Variants in UNC13C observed in about 807,000 individuals in gnomAD.
UNC13C encodes protein unc-13 homolog C.
UNC13C carries 174 observed loss-of-function variants against 245.4 expected under a neutral mutation model. That is an observed-to-expected ratio of 0.71 (90% CI 0.63 to 0.80). UNC13C has a LOEUF of 0.80. UNC13C is among the 30% of genes least tolerant of loss of function. The pLI is 0.00. For synonymous variants in UNC13C, 992 were observed against 895.1 expected (o/e 1.11, Z -1.93); for missense variants, 2,829 against 2,602.9 (o/e 1.09, Z -1.89).
chr15:54,280,990 G>T (rs527385151), intron 10 of UNC13C, among the ~76,000 whole-genome samples: 1 of 151,714 alleles, frequency 6.6e-6, no homozygotes, highest in African/African-American at 2.4e-5. Context: ...TAGAGATGAG[G>T]ATTTGCCATG....
intron 4 of UNC13C, among the ~76,000 whole-genome samples, chr15:54,200,704 GC>G (rs1017650207): frequency 6.6e-6 from 1 of 151,936 alleles, no homozygotes; most frequent in African/African-American, 2.4e-5. Flanking sequence ...ATCATTAAAT[GC>G]CAACATCAAG....
chr15:53,992,096 C>A (rs1894418407), intron 1 of UNC13C, among the ~76,000 whole-genome samples: 1 of 152,010 alleles, frequency 6.6e-6, no homozygotes, highest in Non-Finnish European at 1.5e-5. Context: ...TTAAGAATTA[C>A]TCTCGTTTTG....
At chr15:53,972,729 T>C in the UNC13C span, 13 of 152,176 alleles carry the variant, frequency 8.5e-5, no homozygotes, top group African/African-American at 2.9e-4. Flanking sequence ...CATCAGTGCA[T>C]ATTGAATAAC....
At chr15:54,550,926 A>G (rs1336295746) in intron 28 of UNC13C, among the ~76,000 whole-genome samples, 2 of 152,216 alleles carry the variant, frequency 1.3e-5, no homozygotes, top group African/African-American at 4.8e-5. Flanking sequence ...GGCCCTGGCC[A>G]TGCATCTAAT....
chr15:54,179,945 A>G (rs1426896770), intron 4 of UNC13C, among the ~76,000 whole-genome samples: 1 of 152,132 alleles, frequency 6.6e-6, no homozygotes, highest in African/African-American at 2.4e-5. Context: ...TAATTTTCCA[A>G]TAGTAACTGT....
intron 30 of UNC13C, among the ~76,000 whole-genome samples, chr15:54,578,830 C>T (rs1479423687): frequency 6.6e-6 from 1 of 152,204 alleles, no homozygotes; most frequent in Non-Finnish European, 1.5e-5. Context: ...CGTGGTGAAA[C>T]TCCGTCTCTA....
chr15:54,052,656 A>C (rs981594213), intron 2 of UNC13C, among the ~76,000 whole-genome samples: 14 of 152,242 alleles, frequency 9.2e-5, no homozygotes, highest in Admixed American at 3.3e-4. Context: ...TCCAGTTGTT[A>C]AAACCTATCT....
chr15:53,995,512 G>A (rs1894589160), intron 1 of UNC13C, among the ~76,000 whole-genome samples: 1 of 112,056 alleles, frequency 8.9e-6, no homozygotes, highest in South Asian at 3.1e-4. Flanking sequence ...ACTTTTACAA[G>A]GTTTATACTT....
intron 4 of UNC13C, among the ~76,000 whole-genome samples, chr15:54,220,179 A>G (rs1228050019): frequency 6.6e-6 from 1 of 151,384 alleles, no homozygotes; most frequent in African/African-American, 2.4e-5. Context: ...CACAATAGCA[A>G]AGACTTGGAA....
intron 10 of UNC13C, among the ~76,000 whole-genome samples, chr15:54,291,685 T>G (rs1238241495): frequency 2.0e-5 from 3 of 151,988 alleles, no homozygotes; most frequent in African/African-American, 7.2e-5. Context: ...CCCCATGTTA[T>G]TTATAGATAA....
At chr15:53,935,650 C>T in the UNC13C span, among the ~76,000 whole-genome samples, 3 of 152,128 alleles carry the variant, frequency 2.0e-5, no homozygotes, top group African/African-American at 4.8e-5. Flanking sequence ...ACTAGGTGGG[C>T]GACTCAACCC....
the UNC13C span, among the ~76,000 whole-genome samples, chr15:53,931,619 C>G: frequency 4.6e-5 from 7 of 152,036 alleles, no homozygotes; most frequent in South Asian, 1.5e-3. Flanking sequence ...TTACAGGGCT[C>G]TTGCGTTCTG....
At chr15:54,095,952 C>T (rs747142262) in intron 2 of UNC13C, among the ~76,000 whole-genome samples, 15 of 152,146 alleles carry the variant, frequency 9.9e-5, no homozygotes, top group Middle Eastern at 3.4e-3. Context: ...GTGTCCATGT[C>T]GAATTGAGGA....
chr15:54,391,003 T>C (rs1354236538), intron 17 of UNC13C, among the ~76,000 whole-genome samples: 5 of 152,130 alleles, frequency 3.3e-5, no homozygotes, highest in Non-Finnish European at 5.9e-5. Flanking sequence ...GCATCATCAG[T>C]AATCTTCTGG....
intron 30 of UNC13C, among the ~76,000 whole-genome samples, chr15:54,621,449 C>T (rs1458990600): frequency 6.6e-6 from 1 of 151,978 alleles, no homozygotes; most frequent in Non-Finnish European, 1.5e-5. Context: ...AAATGTCAAA[C>T]ATTAATGTTT....
chr15:53,866,093 G>A, the UNC13C span, among the ~76,000 whole-genome samples: 1 of 152,134 alleles, frequency 6.6e-6, no homozygotes, highest in East Asian at 1.9e-4. Context: ...AAAGTATGTG[G>A]TAAACAGGGA....
chr15:54,086,768 C>T (rs1348271378), intron 2 of UNC13C, among the ~76,000 whole-genome samples: 2 of 53,576 alleles, frequency 3.7e-5, no homozygotes, highest in Non-Finnish European at 9.4e-5. Flanking sequence ...GATGGACTCT[C>T]ACAGTCGCCC....
chr15:54,405,768 T>C (rs1355855416), intron 18 of UNC13C, among the ~76,000 whole-genome samples: 3 of 152,176 alleles, frequency 2.0e-5, no homozygotes, highest in Non-Finnish European at 4.4e-5. Flanking sequence ...ATTTTACTCA[T>C]AATTGTTCAT....
chr15:54,111,300 G>C (rs1415292841), intron 2 of UNC13C, among the ~76,000 whole-genome samples: 1 of 152,114 alleles, frequency 6.6e-6, no homozygotes, highest in Non-Finnish European at 1.5e-5. Flanking sequence ...TGTGACCTTG[G>C]TAGAAAATGA....
Sources: allele counts gnomAD v4.1 joint callset (sites outside exome capture counted in the v4.1 genomes callset), GRCh38; gene constraint gnomAD v4.1.1; transcripts MANE v1.5; gene names NCBI Gene and HGNC (gene_info 2026-07-23, HGNC 2026-07-21).